The following FMN2 variants were observed in gnomAD, a reference collection of about 807,000 sequenced individuals.
The protein encoded by FMN2 is formin-2.
In FMN2, 51 loss-of-function variants were observed where a neutral mutation model predicts 142.3. The observed-to-expected ratio is 0.36, with a 90% CI of 0.29 to 0.45. The LOEUF is 0.45. Among genes scored for constraint, FMN2 ranks in the 20% least tolerant of loss-of-function variants. FMN2 has a pLI of 1.00. For synonymous variants in FMN2, 882 were observed against 869.8 expected (o/e 1.01, Z -0.25); for missense variants, 1,936 against 2,122.8 (o/e 0.91, Z 1.73).
At chr1:240,144,433 C>T in intron 2 of FMN2, 3 of 1,599,314 alleles carry the variant, frequency 1.9e-6, no homozygotes, top group Non-Finnish European at 1.7e-6. Flanking sequence ...CTGTCAGGTG[C>T]TCATACTCCT....
chr1:240,378,237 G>A (rs1012084726), intron 14 of FMN2, among the ~76,000 whole-genome samples: 2 of 151,648 alleles, frequency 1.3e-5, no homozygotes, highest in African/African-American at 2.4e-5. Flanking sequence ...TGCAACCTCC[G>A]CCTCCCAAGA....
chr1:240,117,444 T>C (rs1292195334), intron 1 of FMN2, among the ~76,000 whole-genome samples: 1 of 152,190 alleles, frequency 6.6e-6, no homozygotes, highest in Non-Finnish European at 1.5e-5. Context: ...AGAAAGTGGA[T>C]GGCTGCGCCG....
intron 15 of FMN2, among the ~76,000 whole-genome samples, chr1:240,415,520 T>C (rs147251519): frequency 0.023 from 2,110 of 91,108 alleles, 55 homozygotes; most frequent in African/African-American, 0.079. Context: ...CCCCAGAACT[T>C]TAAGTATAAT....
At chr1:240,119,450 G>GT (rs1662151368) in intron 1 of FMN2, among the ~76,000 whole-genome samples, 1 of 152,184 alleles carries the variant, frequency 6.6e-6, no homozygotes, top group African/African-American at 2.4e-5. Context: ...TAGGCCTGGG[G>GT]TTCTCAGCCT....
Position 240,392,684 on chromosome 1 carries a change from A to G in FMN2, c.4910+122A>G. 3 of 722,792 alleles carry G rather than the reference A, an allele frequency of 4.2e-6. No homozygotes were observed. The South Asian group carries it at 6.5e-5, about 16-fold the overall frequency. The allele number at this position is 722,792 out of a possible 1,614,324, so 44.8% of individuals were successfully genotyped here. A position where few individuals can be genotyped will look rare whatever the true frequency, so the allele number is the denominator to read the frequency against. On this transcript the variant is annotated intron_variant, in intron 15 of 17. Transcript: ENST00000319653. ...AGCATAAAACAAAAATAAATCTAAT[A>G]AAATGGTGTGCTCTAAATCTACAAT...
chr1:240,449,501 G>A (rs1208775184), intron 16 of FMN2, among the ~76,000 whole-genome samples: 2 of 152,154 alleles, frequency 1.3e-5, no homozygotes, highest in South Asian at 2.1e-4. Context: ...CTTTGATATG[G>A]TACTTTCTAG....
Position 240,350,718 on chromosome 1 carries a change from G to A in FMN2, c.4766-5098G>A, listed in dbSNP as rs181761103. ...GCTTTGATTCTATCCTATATCATTT[G>A]TACGTGTTCTGTAGAAAAGGGAGAT... On this transcript the variant is annotated intron_variant, in intron 13 of 17. Transcript: ENST00000319653. 1.3e-3 allele frequency among the ~76,000 whole-genome samples: 203 copies of A among 152,264 alleles called. 1 individual carries two copies. Among genetic ancestry groups the A allele is most frequent in the South Asian group, 7.3e-3 (35 of 4,826 alleles).
chr1:240,178,071 A>T lies in FMN2; in HGVS notation c.1930+3A>T. On this transcript the variant is annotated splice_donor_region_variant and intron_variant, in intron 3 of 17. Transcript: ENST00000319653. ...CAGGCTCGAGGATGCTGAAACAGGT[A>T]ACCCTTTCCTTTGTCTTCAGAGATA... The T allele has an allele frequency of 6.3e-7, 1 of 1,580,204 alleles. No individual in the cohort carries two copies. Among genetic ancestry groups the T allele is most frequent in the Non-Finnish European group, 8.6e-7 (1 of 1,168,494 alleles).
At chr1:240,328,602 T>G (rs909865475) in intron 8 of FMN2, among the ~76,000 whole-genome samples, 7 of 74,394 alleles carry the variant, frequency 9.4e-5, no homozygotes, top group African/African-American at 2.7e-4. Context: ...TTTATTTATT[T>G]ATTTGAGACA....
chr1:240,372,491 G>A (rs1672899935), intron 14 of FMN2, among the ~76,000 whole-genome samples: 1 of 151,144 alleles, frequency 6.6e-6, no homozygotes, highest in Non-Finnish European at 1.5e-5. Flanking sequence ...TAAAGTTTAT[G>A]CTTATATTTT....
chr1:240,428,789 A>G (rs778730730), intron 15 of FMN2, among the ~76,000 whole-genome samples: 1 of 152,220 alleles, frequency 6.6e-6, no homozygotes, highest in Non-Finnish European at 1.5e-5. Context: ...CAAGAATACA[A>G]CATATTGTTA....
chr1:240,269,869 T>C (rs1333030400), intron 7 of FMN2, among the ~76,000 whole-genome samples: 1 of 152,058 alleles, frequency 6.6e-6, no homozygotes, highest in African/African-American at 2.4e-5. Context: ...TTCTGATTTT[T>C]ATAGGTCGAC....
chr1:240,161,442 A>T (rs1664276429), intron 2 of FMN2, among the ~76,000 whole-genome samples: 2 of 151,848 alleles, frequency 1.3e-5, no homozygotes, highest in Admixed American at 1.3e-4. Flanking sequence ...CTGACACAGG[A>T]GAATGGCGTG....
intron 2 of FMN2, chr1:240,171,425 C>G (rs986550238): frequency 3.9e-5 from 18 of 464,246 alleles, no homozygotes; most frequent in Admixed American, 7.8e-5. Flanking sequence ...TCATGAATCT[C>G]TGTAATCAAG....
At chr1:240,406,034 C>T (rs1674149081) in intron 15 of FMN2, among the ~76,000 whole-genome samples, 1 of 140,964 alleles carries the variant, frequency 7.1e-6, no homozygotes, top group Admixed American at 7.1e-5. Context: ...AGGGAAGCAG[C>T]GTCAGGAGTC....
intron 13 of FMN2, among the ~76,000 whole-genome samples, chr1:240,353,419 G>A (rs1672163260): frequency 6.6e-6 from 1 of 152,130 alleles, no homozygotes; most frequent in South Asian, 2.1e-4. Context: ...TTTAAACCCT[G>A]TCTGCTAGAT....
chr1:240,254,580 G>T (rs1003381080), intron 6 of FMN2, among the ~76,000 whole-genome samples: 11 of 152,120 alleles, frequency 7.2e-5, no homozygotes, highest in Non-Finnish European at 1.5e-4. Flanking sequence ...ATAGCTGGAT[G>T]GGGGTGGCAG....
chr1:240,372,990 G>A (rs955050736), intron 14 of FMN2, among the ~76,000 whole-genome samples: 2 of 152,146 alleles, frequency 1.3e-5, no homozygotes, highest in South Asian at 2.1e-4. Context: ...TACGAGACCA[G>A]CCTGACCAAC....
In FMN2 at chr1:240,294,821, G is replaced by A. The variant is rs755036020; in HGVS notation, c.4154-1G>A. 1 of 1,613,838 alleles carries A rather than the reference G, an allele frequency of 6.2e-7. No individual in the cohort carries two copies. The highest frequency in any genetic ancestry group is 8.5e-7 in the Non-Finnish European group (1 of 1,179,832). ...TTTATATTCTTCTTTTTTTTCCACAGCTGTTGTGAACTTGGATAATTCTGT... is the reference window on the plus strand; with the variant it reads ...TTTATATTCTTCTTTTTTTTCCACAACTGTTGTGAACTTGGATAATTCTGT... On this transcript the variant is annotated splice_acceptor_variant, in intron 7 of 17. Transcript: ENST00000319653. LOFTEE classifies it high-confidence loss of function.
Sources: gnomAD v4.1 joint callset for allele counts (sites outside exome capture counted in the v4.1 genomes callset) on GRCh38, gnomAD v4.1.1 for gene constraint, MANE v1.5 for transcripts, NCBI Gene and HGNC (gene_info 2026-07-23, HGNC 2026-07-21) for gene names.